The following SLC25A20 variants were observed in gnomAD, a reference collection of about 807,000 sequenced individuals.
The protein encoded by SLC25A20 is solute carrier family 25 member 20.
A neutral mutation model predicts 39.7 loss-of-function variants in SLC25A20; 29 were observed. The ratio of observed to expected loss-of-function variants is 0.73; its 90% confidence interval spans 0.54 to 1.00. The LOEUF (loss-of-function observed/expected upper bound fraction) is 1.00, where lower values mean the gene tolerates loss of function less well. SLC25A20 is among the 50% of genes least tolerant of loss of function. The pLI is 0.00. For missense variants in SLC25A20, 333 were observed against 379.9 expected (o/e 0.88, Z 1.03); for synonymous variants, 103 against 142.2 (o/e 0.72, Z 1.96).
rs35871910 is a variant in SLC25A20 at position 48,888,570 on chromosome 3, AAAATAAATAAAT to A, written c.198+3398_198+3409del. The stretch of plus-strand genomic sequence containing the variant: ...GGCAACTGAACAAGACTCTTGTCTC[AAAATAAATAAAT>A]AAATAAATAAATAAATAAATAAATA... On this transcript the variant is annotated intron_variant, in intron 2 of 8. Coordinates refer to ENST00000319017, the MANE Select transcript of SLC25A20 (RefSeq NM_000387.6). Among the ~76,000 whole-genome samples, 165 of 142,186 alleles carry A rather than the reference AAAATAAATAAAT, an allele frequency of 1.2e-3. 2 individuals carry two copies. Among genetic ancestry groups the A allele is most frequent in the East Asian group, 2.8e-3 (14 of 4,978 alleles). The allele number at this position is 142,186 out of a possible 152,430, so 93.3% of individuals were successfully genotyped here.
intron 1 of SLC25A20, 83 bp from the exon 2 acceptor site, chr3:48,892,155 G>C: frequency 1.0e-6 from 1 of 1,001,476 alleles, no homozygotes; most frequent in Non-Finnish European, 1.6e-6. Context: ...CTGCCAAACT[G>C]AACAGGGAAG....
chr3:48,857,968 C>CT (rs755739220), intron 8 of SLC25A20, among the ~76,000 whole-genome samples, 196 bp from the exon 9 acceptor site: 3,676 of 138,250 alleles, frequency 0.027, 58 homozygotes, highest in Non-Finnish European at 0.033. Flanking sequence ...CTGCCCACTT[C>CT]TTTTTTTTTT....
chr3:48,898,289 C>A (rs952568914), intron 1 of SLC25A20, among the ~76,000 whole-genome samples: 8 of 152,210 alleles, frequency 5.3e-5, no homozygotes, highest in Admixed American at 4.6e-4. Flanking sequence ...AACAACCGTA[C>A]CGCTCTGTCT....
chr3:48,868,256 G>A (rs1339577494), intron 4 of SLC25A20, among the ~76,000 whole-genome samples: 1 of 151,752 alleles, frequency 6.6e-6, no homozygotes, highest in Non-Finnish European at 1.5e-5. Flanking sequence ...AGAGTAGGAG[G>A]GTGTAAGAAA....
intron 1 of SLC25A20, among the ~76,000 whole-genome samples, chr3:48,895,329 G>A (rs1157645552): frequency 6.6e-6 from 1 of 152,104 alleles, no homozygotes; most frequent in Non-Finnish European, 1.5e-5. Context: ...TTTTAGTAGA[G>A]ACGGAGCTTC....
intron 1 of SLC25A20, 35 bp from the exon 2 acceptor site, chr3:48,892,107 G>A (rs1183272949): frequency 6.5e-7 from 1 of 1,532,332 alleles, no homozygotes; most frequent in East Asian, 2.3e-5. Flanking sequence ...TCACCTACCA[G>A]AATCAGAACT....
intron 1 of SLC25A20, among the ~76,000 whole-genome samples, chr3:48,894,976 C>T (rs2083901395): frequency 6.6e-6 from 1 of 151,776 alleles, no homozygotes; most frequent in Admixed American, 6.6e-5. Flanking sequence ...TGCCACCACT[C>T]CCGGATAATT....
chr3:48,884,270 C>A, intron 2 of SLC25A20, 146 bp from the exon 3 acceptor site: 1 of 1,010,482 alleles, frequency 9.9e-7, no homozygotes, highest in East Asian at 2.6e-5. Context: ...GAAAATCTCC[C>A]ACATTTATCA....
intron 5 of SLC25A20, among the ~76,000 whole-genome samples, chr3:48,860,313 AAAT>A (rs1193573497): frequency 6.7e-6 from 1 of 148,550 alleles, no homozygotes; most frequent in East Asian, 2.0e-4. Context: ...AAAAAAAAAA[AAAT>A]ACAAAAATAC....
At chr3:48,867,276 G>A (rs1157278303) in intron 4 of SLC25A20, among the ~76,000 whole-genome samples, 6 of 149,982 alleles carry the variant, frequency 4.0e-5, no homozygotes, top group East Asian at 2.0e-4. Context: ...ATGGAGTTTC[G>A]CTCTTGTTGC....
At chr3:48,872,864 A>C (rs1390763140) in intron 4 of SLC25A20, among the ~76,000 whole-genome samples, 2 of 151,984 alleles carry the variant, frequency 1.3e-5, no homozygotes, top group Non-Finnish European at 2.9e-5. Flanking sequence ...CCTTGTCTCA[A>C]AAACAAAAAC....
chr3:48,859,333 G>A, intron 6 of SLC25A20, 132 bp from the exon 7 acceptor site: 1 of 866,554 alleles, frequency 1.2e-6, no homozygotes, highest in East Asian at 2.6e-5. Context: ...TAAGGCCAGT[G>A]CTGCTGGCAC....
chr3:48,869,173 T>G (rs1441498669), intron 4 of SLC25A20, among the ~76,000 whole-genome samples: 3 of 152,030 alleles, frequency 2.0e-5, no homozygotes, highest in Admixed American at 2.0e-4. Context: ...TATGTAAATA[T>G]CCAGGTTGCA....
At chr3:48,878,820 T>G (rs992019058) in intron 4 of SLC25A20, among the ~76,000 whole-genome samples, 3 of 151,684 alleles carry the variant, frequency 2.0e-5, no homozygotes, top group Admixed American at 6.6e-5. Context: ...AAAAAAAAAT[T>G]TGTAGAGATG....
At chr3:48,862,461 C>T in intron 5 of SLC25A20, 81 bp downstream of exon 5, 1 of 855,100 alleles carries the variant, frequency 1.2e-6, no homozygotes, top group East Asian at 2.4e-5. Flanking sequence ...GCTAATCTGG[C>T]AATCCAGGCA....
intron 4 of SLC25A20, among the ~76,000 whole-genome samples, chr3:48,871,842 C>T (rs560983514): frequency 1.3e-5 from 2 of 151,180 alleles, no homozygotes; most frequent in African/African-American, 4.9e-5. Context: ...TTTTTTGAGA[C>T]GGGGTCTCAC....
intron 7 of SLC25A20, 104 bp from the exon 8 acceptor site, chr3:48,858,735 C>T (rs2106637546): frequency 7.3e-7 from 1 of 1,366,632 alleles, no homozygotes; most frequent in East Asian, 2.3e-5. Context: ...CCTTGCAGGT[C>T]ATGTGGGACC....
chr3:48,865,638 G>A (rs1292339575), intron 4 of SLC25A20, among the ~76,000 whole-genome samples: 3 of 149,644 alleles, frequency 2.0e-5, no homozygotes, highest in Non-Finnish European at 3.0e-5. Flanking sequence ...TTAGCTGGGT[G>A]TGTGCCTGTA....
In SLC25A20 at chr3:48,884,046, A is replaced by G. The variant is rs1559670282; in HGVS notation, c.277T>C (p.Phe93Leu). 2 of 1,613,938 alleles carry G rather than the reference A, an allele frequency of 1.2e-6. No individual in the cohort carries two copies. Among genetic ancestry groups the G allele is most frequent in the Admixed American group, 3.3e-5 (2 of 59,992 alleles). The change falls in exon 3 of 9, where the codon TTT becomes CTT. Residue 93 changes from phenylalanine to leucine, a missense_variant. Phe to Leu is a conservative substitution (Grantham distance 22, BLOSUM62 0). Transcript: ENST00000319017. ...TPMFAVCFFGFGLGKKLQQKH... is the reference protein window; with the variant it reads ...TPMFAVCFFGLGLGKKLQQKH... ...TGTTGTAGTTTCTTCCCCAAACCAA[A>G]CCCAAAGAAGCACACGGCAAACATG...
Sources: gnomAD v4.1 joint callset for allele counts (sites outside exome capture counted in the v4.1 genomes callset) on GRCh38, gnomAD v4.1.1 for gene constraint, MANE v1.5 for transcripts, NCBI Gene and HGNC (gene_info 2026-07-23, HGNC 2026-07-21) for gene names.